The following PANK4 variants were observed in gnomAD, a reference collection of about 807,000 sequenced individuals.
The protein encoded by PANK4 is pantothenate kinase 4 (inactive), also known as 4'-phosphopantetheine phosphatase.
PANK4 carries 40 observed loss-of-function variants against 87.9 expected under a neutral mutation model. The observed-to-expected ratio is 0.46, with a 90% CI of 0.35 to 0.59. PANK4 has a LOEUF of 0.59. PANK4 is among the 20% of genes least tolerant of loss of function. The pLI, the probability that PANK4 is intolerant of heterozygous loss-of-function variation, is 0.00. For synonymous variants in PANK4, 524 were observed against 467.4 expected, an observed-to-expected ratio of 1.12 and a Z score of -1.56; for missense variants, 926 against 1,072.3, an observed-to-expected ratio of 0.86 and a Z score of 1.90.
At chr1:2,518,673 C>A (rs754475348) in intron 7 of PANK4, 76 bp from the exon 8 acceptor site, 3 of 1,235,372 alleles carry the variant, frequency 2.4e-6, no homozygotes, top group Admixed American at 2.0e-5. Flanking sequence ...GCTCAACGTG[C>A]GCGGGCCTCG....
intron 7 of PANK4, 31 bp from the exon 8 acceptor site, chr1:2,518,628 T>C (rs929218716): frequency 2.6e-6 from 4 of 1,536,804 alleles, no homozygotes; most frequent in South Asian, 1.2e-5. Context: ...GTGCTGCTGT[T>C]GGCCCCACAC....
At chr1:2,517,455 T>G (rs1418252417) in intron 9 of PANK4, among the ~76,000 whole-genome samples, 1 of 152,218 alleles carries the variant, frequency 6.6e-6, no homozygotes, top group African/African-American at 2.4e-5. Flanking sequence ...TGACCTCAGG[T>G]TAACTGCTCA....
At chr1:2,524,744 T>C (rs1008326099) in intron 1 of PANK4, among the ~76,000 whole-genome samples, 19 of 152,340 alleles carry the variant, frequency 1.2e-4, no homozygotes, top group African/African-American at 4.6e-4. Flanking sequence ...TCAACTGCAA[T>C]TGCATTTCAG....
chr1:2,518,333 G>C (rs1030551853), intron 8 of PANK4, 69 bp from the exon 9 acceptor site: 17 of 1,151,960 alleles, frequency 1.5e-5, no homozygotes, highest in Admixed American at 3.7e-5. Flanking sequence ...GAGTGGAGGA[G>C]GAAAGGGTAT....
At position 2,515,832 on chromosome 1, in the gene PANK4, C is replaced by T. The variant is rs996233851; in HGVS notation, c.1219-115G>A. 9.3e-7 allele frequency: 1 copy of T among 1,077,834 alleles called. No homozygotes were observed. The highest frequency in any genetic ancestry group is 1.3e-6 in the Non-Finnish European group (1 of 742,302). 66.8% of individuals were successfully genotyped at this position (1,077,834 alleles called of 1,614,324 possible). ...AGGGAGATGTACTGCCTTCTTCCGC[C>T]ACGTCTCTGGGCCACAGACGAGACC... is the stretch of plus-strand genomic sequence containing the variant. On this transcript the variant is annotated intron_variant, in intron 9 of 18. Coordinates refer to ENST00000378466, the MANE Select transcript of PANK4 (RefSeq NM_018216.4). The surrounding 1 kb of genome is among the most constrained non-coding windows in gnomAD (Gnocchi z 5.0).
rs1488440503 is a variant in PANK4, at chr1:2,520,524, C to T, written c.607-110G>A. Reference sequence around the variant, plus strand: ...GGGTGAACCCCGCCCCCACCCCAACCGCCAGTGGGAGGACTCTCATGGCCA... The same window carrying T: ...GGGTGAACCCCGCCCCCACCCCAACTGCCAGTGGGAGGACTCTCATGGCCA... On this transcript the variant is annotated intron_variant, in intron 4 of 18. Coordinates refer to ENST00000378466, the MANE Select transcript of PANK4 (RefSeq NM_018216.4). The surrounding 1 kb of genome is among the most constrained non-coding windows in gnomAD (Gnocchi z 6.2). 16 of 1,046,524 alleles carry T rather than the reference C, an allele frequency of 1.5e-5. No homozygotes were observed. Among genetic ancestry groups the T allele is most frequent in the African/African-American group, 1.1e-4 (7 of 63,196 alleles). 64.8% of individuals were successfully genotyped at this position (1,046,524 alleles called of 1,614,324 possible). A position where few individuals can be genotyped will look rare whatever the true frequency, so the allele number is the denominator to read the frequency against.
intron 15 of PANK4, 93 bp downstream of exon 15, chr1:2,511,245 C>T (rs1643655613): frequency 1.2e-6 from 1 of 841,998 alleles, no homozygotes; most frequent in South Asian, 1.4e-5. Flanking sequence ...GGGAGGGCCA[C>T]CCGAGGCAGC....
intron 1 of PANK4, among the ~76,000 whole-genome samples, chr1:2,525,342 G>C (rs953555067): frequency 1.3e-5 from 2 of 152,056 alleles, no homozygotes. Flanking sequence ...CATCCTTTTC[G>C]GGGGCTGGGG....
Position 2,518,592 on chromosome 1 carries a change from T to C in PANK4, c.1041A>G (p.Glu347=). 1.3e-6 allele frequency: 2 copies of C among 1,566,652 alleles called. No individual in the cohort carries two copies. The highest frequency in any genetic ancestry group is 1.7e-6 in the Non-Finnish European group (2 of 1,155,636). Residue 347 remains glutamate (E), a synonymous_variant, in exon 8 of 19, where the codon GAA becomes GAG. Transcript: ENST00000378466. ...CGTGCCTCAGAAACAGCGCCTGCACTTCCCCCTGCCGTGGCCAAAGCACAC... is the reference window on the plus strand; with the variant it reads ...CGTGCCTCAGAAACAGCGCCTGCACCTCCCCCTGCCGTGGCCAAAGCACAC... ...TYSINFFSKG[E]VQALFLRHEG... is the part of the protein sequence containing the mutation.
At chr1:2,514,157 G>T in intron 11 of PANK4, 68 bp from the exon 12 acceptor site, 1 of 1,380,714 alleles carries the variant, frequency 7.2e-7, no homozygotes, top group South Asian at 1.2e-5. Context: ...GCCATCCTCG[G>T]CTGTGCCACG....
intron 1 of PANK4, among the ~76,000 whole-genome samples, chr1:2,524,310 G>GTC (rs1483798629): frequency 6.6e-6 from 1 of 152,042 alleles, no homozygotes; most frequent in African/African-American, 2.4e-5. Flanking sequence ...AAGAGGAAAT[G>GTC]GGAGAAGCCT....
rs759397869 is a variant in PANK4 at position 2,520,987 on chromosome 1, C to T, written c.423-81G>A. The T allele has an allele frequency of 3.3e-4, 505 of 1,521,734 alleles. 1 individual carries two copies. Among genetic ancestry groups the T allele is most frequent in the Non-Finnish European group, 4.2e-4 (469 of 1,116,750 alleles). 94.3% of individuals were successfully genotyped at this position (1,521,734 alleles called of 1,614,324 possible). On this transcript the variant is annotated intron_variant, in intron 3 of 18. Transcript: ENST00000378466. This position sits in a 1 kb window ranked among gnomAD's most constrained non-coding sequence, Gnocchi z 6.2. ...TGCAAGCCTGCCTGGTCCGAAGGGGCAGCCATGCCCCATGCGCAATCTGAC... is the reference window on the plus strand; with the variant it reads ...TGCAAGCCTGCCTGGTCCGAAGGGGTAGCCATGCCCCATGCGCAATCTGAC...
chr1:2,508,766 G>C lies in PANK4; in HGVS notation c.*81C>G. On this transcript the variant is annotated 3_prime_UTR_variant, in exon 19 of 19. Coordinates refer to ENST00000378466, the MANE Select transcript of PANK4 (RefSeq NM_018216.4). This position sits in a 1 kb window ranked among gnomAD's most constrained non-coding sequence, Gnocchi z 5.1. Reference sequence around the variant, plus strand: ...CACAGCAGTACCATATAAATACGTTGATTTGAACGCAGTTTCCCTGTGGTG... The same window carrying C: ...CACAGCAGTACCATATAAATACGTTCATTTGAACGCAGTTTCCCTGTGGTG... 2.4e-6 allele frequency: 2 copies of C among 846,428 alleles called. No homozygotes were observed. Among genetic ancestry groups the C allele is most frequent in the Non-Finnish European group, 3.9e-6 (2 of 515,256 alleles). The allele number at this position is 846,428 out of a possible 1,614,324, so 52.4% of individuals were successfully genotyped here.
rs146585181 is a variant in PANK4 at position 2,510,779 on chromosome 1, G to A, written c.1837C>T (p.Pro613Ser). 2.5e-5 allele frequency: 40 copies of A among 1,597,948 alleles called. No homozygotes were observed. Among genetic ancestry groups the A allele is most frequent in the Admixed American group, 1.3e-4 (8 of 59,962 alleles). ...AAAATTAAGGCACATTTATGAGGGG[G>A]CCCCTGTAAGACAAAACCAGGACGT... The part of the protein sequence containing the change: ...YSEWLQRLKG[P>S]PHKCALIFAD... Residue 613 changes from proline to serine, a missense_variant, in exon 16 of 19, where the codon CCC (proline) becomes TCC (serine). Physicochemically the swap from Pro to Ser is moderately conservative, Grantham distance 74. Transcript: ENST00000378466. This position sits in a 1 kb window ranked among gnomAD's most constrained non-coding sequence, Gnocchi z 4.9.
At position 2,510,706 on chromosome 1, in the gene PANK4, A is replaced by G. The variant is rs1245399764; in HGVS notation, c.1910T>C (p.Val637Ala). The change falls in exon 16 of 19, where the codon GTC becomes GCC. Residue 637 changes from valine to alanine, a missense_variant. Physicochemically the swap from Val to Ala is moderately conservative, Grantham distance 64 (BLOSUM62 0). Transcript: ENST00000378466. The surrounding 1 kb of genome is among the most constrained non-coding windows in gnomAD (Gnocchi z 4.9). ...TGTCCCTCTAAGGAGTAGCTCCCTG[A>G]CAAAGGGGAAGACTCCCAAAATGAT... ...IDIILGVFPF[V>A]RELLLRGTEV... 6.2e-7 allele frequency: 1 copy of G among 1,608,450 alleles called. No homozygotes were observed. Among genetic ancestry groups the G allele is most frequent in the African/African-American group, 1.3e-5 (1 of 74,754 alleles).
At chr1:2,512,516 C>CCG in intron 13 of PANK4, 1 of 222,700 alleles carries the variant, frequency 4.5e-6, no homozygotes, top group Non-Finnish European at 8.9e-6. Context: ...TAGGGGACTG[C>CCG]TTTGCAAAGC....
At chr1:2,511,005 C>G (rs1017645018) in intron 15 of PANK4, among the ~76,000 whole-genome samples, 3 of 151,766 alleles carry the variant, frequency 2.0e-5, no homozygotes, top group African/African-American at 7.3e-5. Context: ...ACCGGGACTT[C>G]AGGACCCCAG....
intron 1 of PANK4, among the ~76,000 whole-genome samples, chr1:2,522,220 C>T (rs1237318091): frequency 6.6e-6 from 1 of 152,202 alleles, no homozygotes; most frequent in East Asian, 1.9e-4. Flanking sequence ...AGTACACCCT[C>T]GACCGTCCCT....
chr1:2,516,975 T>G (rs1643792233), intron 9 of PANK4, among the ~76,000 whole-genome samples: 1 of 152,190 alleles, frequency 6.6e-6, no homozygotes, highest in Non-Finnish European at 1.5e-5. Flanking sequence ...GTGCCACTGG[T>G]GGGGTACCAA....
Sources: gnomAD v4.1 joint callset for allele counts (sites outside exome capture counted in the v4.1 genomes callset) on GRCh38, gnomAD v4.1.1 for gene constraint, Gnocchi (gnomAD v3.1) non-coding constraint, MANE v1.5 for transcripts, NCBI Gene and HGNC (gene_info 2026-07-23, HGNC 2026-07-21) for gene names.